Variants in NRSN2 observed in about 807,000 individuals in gnomAD.
The protein encoded by NRSN2 is neurensin 2, also known as neurensin-2.
NRSN2 carries 10 observed loss-of-function variants against 11.1 expected under a neutral mutation model. The observed-to-expected ratio is 0.90, with a 90% CI of 0.56 to 1.53. NRSN2 has a LOEUF of 1.53. NRSN2 is among the 40% of genes most tolerant of loss of function. The pLI, the probability that NRSN2 is intolerant of heterozygous loss-of-function variation, is 0.00. For missense variants in NRSN2, 260 were observed against 273.7 expected, an observed-to-expected ratio of 0.95 and a Z score of 0.35; for synonymous variants, 100 against 117.0, an observed-to-expected ratio of 0.86 and a Z score of 0.94.
intron 4 of NRSN2, among the ~76,000 whole-genome samples, chr20:350,646 C>CAAAAA (rs56188179): frequency 6.1e-4 from 24 of 39,408 alleles, no homozygotes; most frequent in East Asian, 8.5e-4. Flanking sequence ...GACTCTGTCT[C>CAAAAA]AAAAAAAAAA....
chr20:353,759 A>T lies in NRSN2; in HGVS notation c.*124A>T, dbSNP rs6115689. ...CCCTTTAGAGCCCAACTCCAGGTCA[A>T]ATCTGGAGCTCAAATCCCAGTGCTC... On this transcript the variant is annotated 3_prime_UTR_variant, in exon 5 of 5. Transcript: ENST00000382285. 7,078 of 1,012,534 alleles carry T rather than the reference A, an allele frequency of 7.0e-3. 341 individuals carry two copies. In the African/African-American group the frequency reaches 0.1, roughly 15 times the overall value. The allele number at this position is 1,012,534 out of a possible 1,614,324, so 62.7% of individuals were successfully genotyped here.
chr20:349,515 TA>T (rs1420278756), intron 3 of NRSN2, 122 bp from the exon 4 acceptor site: 1 of 707,140 alleles, frequency 1.4e-6, no homozygotes, highest in Admixed American at 2.7e-5. Context: ...GCTATGCGTG[TA>T]GGGTGTCTCG....
chr20:349,067 C>G (rs2013710968), intron 2 of NRSN2, among the ~76,000 whole-genome samples, 182 bp from the exon 3 acceptor site: 1 of 152,058 alleles, frequency 6.6e-6, no homozygotes, highest in Non-Finnish European at 1.5e-5. Context: ...ACAATTACCC[C>G]CAGGAGGGGG....
chr20:349,777 C>T lies in NRSN2; in HGVS notation c.134C>T (p.Pro45Leu), dbSNP rs764957208. The T allele has an allele frequency of 9.3e-6, 15 of 1,613,480 alleles. No individual in the cohort carries two copies. Among genetic ancestry groups the T allele is most frequent in the Middle Eastern group, 1.7e-4 (1 of 6,046 alleles). Reference protein sequence around the residue: ...DCAGTALSDDPEGPPVLCPRR... With the variant: ...DCAGTALSDDLEGPPVLCPRR... Reference sequence around the variant, plus strand: ...GCAGGCACTGCTCTCAGCGACGACCCTGAGGGACCTCCGGTCCTGTGCCCC... The same window carrying T: ...GCAGGCACTGCTCTCAGCGACGACCTTGAGGGACCTCCGGTCCTGTGCCCC... The change falls in exon 4 of 5, where the codon CCT becomes CTT. Residue 45 changes from proline (P) to leucine (L), a missense_variant. Physicochemically the swap from Pro to Leu is moderately conservative, Grantham distance 98. Transcript: ENST00000382285.
In NRSN2 at chr20:347,584, G is replaced by T. The variant is rs1180474210; in HGVS notation, c.-122+72G>T. 1 of 152,168 alleles carries T rather than the reference G, an allele frequency of 6.6e-6. No homozygotes were observed. The highest frequency in any genetic ancestry group is 1.5e-5 in the Non-Finnish European group (1 of 68,120). 9.4% of individuals were successfully genotyped at this position (152,168 alleles called of 1,614,324 possible). On this transcript the variant is annotated intron_variant, in intron 2 of 4. Transcript: ENST00000382285. The surrounding 1 kb of genome is among the most constrained non-coding windows in gnomAD (Gnocchi z 7.0). ...CCCTACCCATCCCCCCCGGGAGGGC[G>T]CCCCTTCTCCCCCGCCCGGGCAGCG... is the stretch of plus-strand genomic sequence containing the variant.
rs1304162550 is a variant in NRSN2 at position 349,843 on chromosome 20, A to G, written c.189+11A>G. ...TCACTGTGTTGGAAGGTAAGGCCAG[A>G]TGAGCACCTCCCATGATTCCTCTGC... On this transcript the variant is annotated intron_variant, in intron 4 of 4. Coordinates refer to ENST00000382285, the MANE Select transcript of NRSN2 (RefSeq NM_001323682.2). The G allele has an allele frequency of 2.5e-6, 4 of 1,607,080 alleles. No homozygotes were observed. In the East Asian group the frequency reaches 8.9e-5, roughly 36 times the overall value.
Position 354,124 on chromosome 20 carries a change from C to T in NRSN2, c.*489C>T, listed in dbSNP as rs73891944. 3,246 of 157,120 alleles carry T rather than the reference C, an allele frequency of 0.021. 143 individuals carry two copies. Among genetic ancestry groups the T allele is most frequent in the African/African-American group, 0.074 (3,085 of 41,642 alleles). 9.7% of individuals were successfully genotyped at this position (157,120 alleles called of 1,614,324 possible). ...CCTTTCCCTGCAGGATGAGTGAAGA[C>T]GTTTGCCTCTCACAGTGTGTCTTCT... On this transcript the variant is annotated 3_prime_UTR_variant, in exon 5 of 5. Coordinates refer to ENST00000382285, the MANE Select transcript of NRSN2 (RefSeq NM_001323682.2).
In NRSN2 at chr20:353,731, G is replaced by A. The variant is rs926798056; in HGVS notation, c.*96G>A. The A allele has an allele frequency of 4.5e-6, 6 of 1,320,658 alleles. No homozygotes were observed. The African/African-American group carries it at 7.4e-5, about 16-fold the overall frequency. The allele number at this position is 1,320,658 out of a possible 1,614,324, so 81.8% of individuals were successfully genotyped here. Reference sequence around the variant, plus strand: ...TTCCCCAACTTCTCCCTTTTAGCAGGGTCCCTTTAGAGCCCAACTCCAGGT... The same window carrying A: ...TTCCCCAACTTCTCCCTTTTAGCAGAGTCCCTTTAGAGCCCAACTCCAGGT... On this transcript the variant is annotated 3_prime_UTR_variant, in exon 5 of 5. Transcript: ENST00000382285.
chr20:349,950 C>T, intron 4 of NRSN2, 118 bp downstream of exon 4: 1 of 899,418 alleles, frequency 1.1e-6, no homozygotes, highest in Non-Finnish European at 1.6e-6. Flanking sequence ...CTTGCACAGT[C>T]AAGCAACAGA....
rs371070518 is a variant in NRSN2 at position 349,639 on chromosome 20, G to T, written c.-5G>T. On this transcript the variant is annotated splice_region_variant and 5_prime_UTR_variant, in exon 4 of 5. Transcript: ENST00000382285. The stretch of plus-strand genomic sequence containing the variant: ...AGCTGCACCTTACCTGCTCCCCAGG[G>T]GTCCATGATGCCGAGCTGCAATCGT... 1.9e-6 allele frequency: 3 copies of T among 1,608,414 alleles called. No homozygotes were observed. Among genetic ancestry groups the T allele is most frequent in the Admixed American group, 1.7e-5 (1 of 59,858 alleles).
rs1352820354 is a variant in NRSN2, at chr20:353,801, G to GC, written c.*170dup. 1.7e-5 allele frequency: 12 copies of GC among 705,784 alleles called. No homozygotes were observed. The Middle Eastern group carries it at 7.4e-4, about 43-fold the overall frequency. 43.7% of individuals were successfully genotyped at this position (705,784 alleles called of 1,614,324 possible). On this transcript the variant is annotated 3_prime_UTR_variant, in exon 5 of 5. Coordinates refer to ENST00000382285, the MANE Select transcript of NRSN2 (RefSeq NM_001323682.2). ...CCAGTGCTCCCTCCCCAGGAGTGGGGCCCCAACTCTTCCAAGATACCAGCA... is the reference window on the plus strand; with the variant it reads ...CCAGTGCTCCCTCCCCAGGAGTGGGGCCCCCAACTCTTCCAAGATACCAGCA...
chr20:353,675 C>T lies in NRSN2; in HGVS notation c.*40C>T. ...CTAAGATGTGGGTCCTGGATCCTTCCCCCCTTCTCACCATAACCCCCTCTC... is the reference window on the plus strand; with the variant it reads ...CTAAGATGTGGGTCCTGGATCCTTCTCCCCTTCTCACCATAACCCCCTCTC... On this transcript the variant is annotated 3_prime_UTR_variant, in exon 5 of 5. Coordinates refer to ENST00000382285, the MANE Select transcript of NRSN2 (RefSeq NM_001323682.2). 2.1e-6 allele frequency: 3 copies of T among 1,428,092 alleles called. No homozygotes were observed. Among genetic ancestry groups the T allele is most frequent in the Admixed American group, 5.2e-5 (2 of 38,716 alleles). The allele number at this position is 1,428,092 out of a possible 1,614,324, so 88.5% of individuals were successfully genotyped here. A position where few individuals can be genotyped will look rare whatever the true frequency, so the allele number is the denominator to read the frequency against.
At chr20:351,008 C>T (rs2013922650) in intron 4 of NRSN2, among the ~76,000 whole-genome samples, 2 of 152,174 alleles carry the variant, frequency 1.3e-5, no homozygotes, top group African/African-American at 4.8e-5. Flanking sequence ...GTGGGTGGAT[C>T]ACCTGAGGTC....
At chr20:350,422 T>C (rs1300096346) in intron 4 of NRSN2, among the ~76,000 whole-genome samples, 1 of 140,494 alleles carries the variant, frequency 7.1e-6, no homozygotes, top group Non-Finnish European at 1.5e-5. Context: ...GAGGTTGCAG[T>C]GAGCTGAGAT....
chr20:353,827 T>C lies in NRSN2; in HGVS notation c.*192T>C, dbSNP rs1182775392. ...CCCCAACTCTTCCAAGATACCAGCA[T>C]TCCTCAAGTCCTCCCAAAACTTCCT... On this transcript the variant is annotated 3_prime_UTR_variant, in exon 5 of 5. Transcript: ENST00000382285. The C allele has an allele frequency of 1.5e-5, 9 of 591,446 alleles. No individual in the cohort carries two copies. Among genetic ancestry groups the C allele is most frequent in the Non-Finnish European group, 2.9e-6 (1 of 341,220 alleles). 36.6% of individuals were successfully genotyped at this position (591,446 alleles called of 1,614,324 possible).
chr20:352,999 G>A (rs2014090011), intron 4 of NRSN2, among the ~76,000 whole-genome samples: 1 of 152,134 alleles, frequency 6.6e-6, no homozygotes, highest in Non-Finnish European at 1.5e-5. Context: ...TGGGAGCTGG[G>A]AAGGAAATTA....
intron 4 of NRSN2, among the ~76,000 whole-genome samples, chr20:352,645 GTGCTAGGCACAGAAGAC>G (rs1161330586): frequency 6.6e-6 from 1 of 152,216 alleles, no homozygotes; most frequent in Non-Finnish European, 1.5e-5. Flanking sequence ...GTGCCGGCAC[GTGCTAGGCACAGAAGAC>G]TCCTAGTGAG....
At chr20:351,820 C>T (rs576139507) in intron 4 of NRSN2, among the ~76,000 whole-genome samples, 11 of 152,282 alleles carry the variant, frequency 7.2e-5, no homozygotes, top group South Asian at 6.2e-4. Flanking sequence ...ATTTTGTGGA[C>T]GTCAAAATGT....
At position 347,197 on chromosome 20, in the gene NRSN2, AC is replaced by A; in HGVS notation, c.-201+60del. ...AGGCCCCAGCCCCAGCCCCTGGAGA[AC>A]CCCCGCGCTCTGCCCGCATCCTCAG... is the stretch of plus-strand genomic sequence containing the variant. On this transcript the variant is annotated intron_variant, in intron 1 of 4. Coordinates refer to ENST00000382285, the MANE Select transcript of NRSN2 (RefSeq NM_001323682.2). The surrounding 1 kb of genome is among the most constrained non-coding windows in gnomAD (Gnocchi z 7.0). 6.6e-6 allele frequency: 1 copy of A among 151,584 alleles called. No individual in the cohort carries two copies. The highest frequency in any genetic ancestry group is 1.5e-5 in the Non-Finnish European group (1 of 68,050). 9.4% of individuals were successfully genotyped at this position (151,584 alleles called of 1,614,324 possible).
Sources: allele counts gnomAD v4.1 joint callset (sites outside exome capture counted in the v4.1 genomes callset), GRCh38; gene constraint gnomAD v4.1.1; non-coding constraint Gnocchi (gnomAD v3.1); transcripts MANE v1.5; gene names NCBI Gene and HGNC (gene_info 2026-07-23, HGNC 2026-07-21).